SGCZ: variants seen among roughly 807,000 people sequenced by gnomAD.
SGCZ encodes the protein zeta-sarcoglycan.
A neutral mutation model predicts 41.3 loss-of-function variants in SGCZ; 40 were observed. The ratio of observed to expected loss-of-function variants is 0.97; its 90% CI spans 0.75 to 1.26. SGCZ has a LOEUF of 1.26. Ranked by LOEUF, SGCZ falls within the 50% of genes most tolerant of loss-of-function variation. SGCZ has a pLI of 0.00. For synonymous variants in SGCZ, 206 were observed against 137.5 expected (o/e 1.50, Z -3.49); for missense variants, 552 against 369.8 (o/e 1.49, Z -4.04).
At chr8:15,069,361 G>C (rs1481449337) in intron 1 of SGCZ, among the ~76,000 whole-genome samples, 1 of 152,074 alleles carries the variant, frequency 6.6e-6, no homozygotes, top group East Asian at 1.9e-4. Flanking sequence ...AAGTGTATTG[G>C]TCAAAGTCTA....
chr8:14,890,544 G>A (rs1161409363), intron 1 of SGCZ, among the ~76,000 whole-genome samples: 1 of 152,200 alleles, frequency 6.6e-6, no homozygotes, highest in African/African-American at 2.4e-5. Flanking sequence ...GCTAGAATAA[G>A]TTGGTTCATG....
chr8:14,352,175 A>C (rs1437519782), intron 2 of SGCZ, among the ~76,000 whole-genome samples: 1 of 152,076 alleles, frequency 6.6e-6, no homozygotes, highest in Non-Finnish European at 1.5e-5. Context: ...AAGAGTTACA[A>C]AAACTTGTGT....
intron 1 of SGCZ, among the ~76,000 whole-genome samples, chr8:14,995,802 T>A (rs1802195263): frequency 6.6e-6 from 1 of 152,224 alleles, no homozygotes; most frequent in Non-Finnish European, 1.5e-5. Context: ...ATATCTAATA[T>A]GCATTAATCT....
At chr8:14,775,818 T>C (rs868461580) in intron 1 of SGCZ, among the ~76,000 whole-genome samples, 5 of 152,104 alleles carry the variant, frequency 3.3e-5, no homozygotes, top group Admixed American at 6.5e-5. Context: ...TATGTAAAAA[T>C]GGAAGAGCAC....
At position 14,554,745 on chromosome 8, in the gene SGCZ, A is replaced by G. The variant is rs553403611; in HGVS notation, c.221T>C (p.Met74Thr). The change falls in exon 2 of 8, where the codon ATG becomes ACG. Residue 74 changes from methionine to threonine, a missense_variant. Physicochemically the swap from Met to Thr is moderately conservative, Grantham distance 81. Coordinates refer to ENST00000382080, the MANE Select transcript of SGCZ (RefSeq NM_139167.4). ...LAMTIWILKV[M>T]NFTVDGMGNL... ...AGTGGTACTTACCACAGTGAAATTC[A>G]TAACTTTCAATATCCATATTGTCAT... The G allele has an allele frequency of 1.9e-6, 3 of 1,612,560 alleles. No individual in the cohort carries two copies. Among genetic ancestry groups the G allele is most frequent in the African/African-American group, 1.3e-5 (1 of 74,946 alleles).
At chr8:14,429,966 G>C (rs1799896478) in intron 2 of SGCZ, among the ~76,000 whole-genome samples, 2 of 151,936 alleles carry the variant, frequency 1.3e-5, no homozygotes, top group Non-Finnish European at 2.9e-5. Flanking sequence ...TAGTAGTCTT[G>C]AACGATTTTT....
intron 3 of SGCZ, among the ~76,000 whole-genome samples, chr8:14,300,851 C>T (rs1347394826): frequency 2.0e-5 from 3 of 151,786 alleles, no homozygotes; most frequent in African/African-American, 7.3e-5. Flanking sequence ...TGTGTGAGTT[C>T]CTTATATATT....
intron 1 of SGCZ, among the ~76,000 whole-genome samples, chr8:15,097,725 TAA>T (rs764026112): frequency 6.1e-5 from 7 of 114,952 alleles, no homozygotes; most frequent in African/African-American, 1.4e-4. Context: ...TGAGAGCTTA[TAA>T]AAAAAAAAAT....
intron 1 of SGCZ, among the ~76,000 whole-genome samples, chr8:14,767,769 C>T (rs771062554): frequency 1.8e-4 from 27 of 152,320 alleles, no homozygotes; most frequent in East Asian, 5.8e-4. Flanking sequence ...CACCTCTGTA[C>T]GCCTTTCAAA....
At chr8:14,507,779 T>TG (rs34233825) in intron 2 of SGCZ, among the ~76,000 whole-genome samples, 27,818 of 148,514 alleles carry the variant, frequency 0.19, 2,660 homozygotes, top group Admixed American at 0.21. Flanking sequence ...TTTTTGTTTT[T>TG]TTTTTTTTCG....
chr8:14,394,714 G>C (rs1782453895), intron 2 of SGCZ, among the ~76,000 whole-genome samples: 1 of 152,002 alleles, frequency 6.6e-6, no homozygotes. Flanking sequence ...GGAAATAATT[G>C]GAAATAAAGA....
At chr8:14,571,485 C>G (rs1009906613) in intron 1 of SGCZ, among the ~76,000 whole-genome samples, 1 of 152,176 alleles carries the variant, frequency 6.6e-6, no homozygotes, top group Non-Finnish European at 1.5e-5. Flanking sequence ...CTGATTATTC[C>G]TATTAATATT....
chr8:14,909,036 G>C (rs1273578264), intron 1 of SGCZ, among the ~76,000 whole-genome samples: 1 of 152,080 alleles, frequency 6.6e-6, no homozygotes, highest in African/African-American at 2.4e-5. Context: ...CTCTAATGAT[G>C]AGTCAATTTT....
intron 1 of SGCZ, among the ~76,000 whole-genome samples, chr8:14,645,765 AAAT>A (rs1478341786): frequency 6.6e-6 from 1 of 151,714 alleles, no homozygotes; most frequent in Non-Finnish European, 1.5e-5. Context: ...GTAAGTTACC[AAAT>A]AATATCTGTT....
chr8:14,884,210 G>C (rs1273630484), intron 1 of SGCZ, among the ~76,000 whole-genome samples: 1 of 152,072 alleles, frequency 6.6e-6, no homozygotes, highest in Middle Eastern at 3.2e-3. Flanking sequence ...GTCTTGTTTA[G>C]AATCCATTGC....
At chr8:15,064,565 G>C (rs1025531864) in intron 1 of SGCZ, among the ~76,000 whole-genome samples, 11 of 145,572 alleles carry the variant, frequency 7.6e-5, no homozygotes, top group Non-Finnish European at 8.9e-5. Context: ...AAAAAAGTCT[G>C]AGTTTCAGTG....
At chr8:14,722,082 C>T (rs189134312) in intron 1 of SGCZ, among the ~76,000 whole-genome samples, 56 of 152,294 alleles carry the variant, frequency 3.7e-4, no homozygotes, top group African/African-American at 1.3e-3. Flanking sequence ...AAAATCTCAA[C>T]TCTGTTTGTC....
intron 1 of SGCZ, among the ~76,000 whole-genome samples, chr8:14,882,300 T>C (rs1377920343): frequency 6.6e-6 from 1 of 152,146 alleles, no homozygotes; most frequent in Non-Finnish European, 1.5e-5. Flanking sequence ...TATCATGGTG[T>C]CCACCACAGA....
chr8:14,455,672 G>A (rs545825464), intron 2 of SGCZ, among the ~76,000 whole-genome samples: 1 of 152,182 alleles, frequency 6.6e-6, no homozygotes, highest in Non-Finnish European at 1.5e-5. Context: ...TGTTTTATTT[G>A]CAATCACAAA....
Sources: allele counts gnomAD v4.1 joint callset (sites outside exome capture counted in the v4.1 genomes callset), GRCh38; gene constraint gnomAD v4.1.1; transcripts MANE v1.5; gene names NCBI Gene and HGNC (gene_info 2026-07-23, HGNC 2026-07-21).